Variants in SNAP25 observed in about 807,000 individuals in gnomAD.
SNAP25 encodes the protein synaptosomal-associated protein 25.
Under a neutral mutation model 28.7 loss-of-function variants are expected in SNAP25, and 3 were observed. The ratio of observed to expected loss-of-function variants is 0.10; its 90% CI spans 0.05 to 0.27. The LOEUF (loss-of-function observed/expected upper bound fraction) is 0.27. Among genes scored for constraint, SNAP25 ranks in the 10% least tolerant of loss-of-function variants. SNAP25 has a pLI of 1.00. For synonymous variants in SNAP25, 61 were observed against 88.1 expected (o/e 0.69, Z 1.72); for missense variants, 117 against 278.7 (o/e 0.42, Z 4.13).
In SNAP25 at chr20:10,275,455, C is replaced by A; in HGVS notation, c.-37C>A. ...TCCAGAGCCAAACCCGTCACTGACC[C>A]CCCAGCCCAGGCGCCCAGCCACTCC... On this transcript the variant is annotated 5_prime_UTR_variant, in exon 2 of 8. Coordinates refer to ENST00000254976, the MANE Select transcript of SNAP25 (RefSeq NM_130811.4). 1.3e-6 allele frequency: 2 copies of A among 1,573,544 alleles called. No individual in the cohort carries two copies. Among genetic ancestry groups the A allele is most frequent in the East Asian group, 4.6e-5 (2 of 43,702 alleles).
chr20:10,301,236 G>A (rs1167874145), intron 7 of SNAP25, among the ~76,000 whole-genome samples: 2 of 152,168 alleles, frequency 1.3e-5, no homozygotes, highest in Non-Finnish European at 2.9e-5. Flanking sequence ...TACGCCCAGT[G>A]TACTATAAAG....
At position 10,305,145 on chromosome 20, in the gene SNAP25, C is replaced by A. The variant is rs193236957; in HGVS notation, c.553-984C>A. 1.7e-3 allele frequency among the ~76,000 whole-genome samples: 265 copies of A among 152,140 alleles called. 1 individual carries two copies. Among genetic ancestry groups the A allele is most frequent in the Middle Eastern group, 3.4e-3 (1 of 294 alleles). ...TATATTTTATCCATTCATGACATGC[C>A]TAATTTTTTCTAAATTTTCTCAATA... On this transcript the variant is annotated intron_variant, in intron 7 of 7. Coordinates refer to ENST00000254976, the MANE Select transcript of SNAP25 (RefSeq NM_130811.4).
chr20:10,294,129 C>T (rs755607760), intron 5 of SNAP25, among the ~76,000 whole-genome samples: 4 of 152,220 alleles, frequency 2.6e-5, no homozygotes, highest in African/African-American at 4.8e-5. Context: ...GATTGCCCAA[C>T]ATGCATTTGG....
intron 4 of SNAP25, among the ~76,000 whole-genome samples, chr20:10,286,792 C>T (rs2063888448): frequency 6.6e-6 from 1 of 152,068 alleles, no homozygotes; most frequent in South Asian, 2.1e-4. Flanking sequence ...CTTCAATTTT[C>T]ACAATACAAA....
At chr20:10,279,482 C>T (rs2123030802) in intron 3 of SNAP25, among the ~76,000 whole-genome samples, 1 of 152,292 alleles carries the variant, frequency 6.6e-6, no homozygotes, top group East Asian at 1.9e-4. Flanking sequence ...TGTTGAAATG[C>T]TGCCTAGACT....
At chr20:10,220,859 T>A (rs2062619167) in intron 1 of SNAP25, among the ~76,000 whole-genome samples, 1 of 152,238 alleles carries the variant, frequency 6.6e-6, no homozygotes, top group African/African-American at 2.4e-5. Flanking sequence ...AAATTCCCTG[T>A]CCATATACAG....
chr20:10,280,182 G>A (rs138174550), intron 3 of SNAP25, among the ~76,000 whole-genome samples: 3 of 152,252 alleles, frequency 2.0e-5, no homozygotes, highest in Non-Finnish European at 4.4e-5. Context: ...ATCTCTCAGC[G>A]GAATATACAA....
At chr20:10,278,559 T>G (rs1488736063) in intron 3 of SNAP25, among the ~76,000 whole-genome samples, 1 of 152,178 alleles carries the variant, frequency 6.6e-6, no homozygotes, top group Non-Finnish European at 1.5e-5. Flanking sequence ...GCCTAATAGT[T>G]TTTATTCAGC....
chr20:10,283,779 A>G lies in SNAP25; in HGVS notation c.115-945A>G, dbSNP rs78566360. ...ACCATGAGCTTTACTTGAAAAACCAATTCATCCAAACTATAAGCAATGCCA... is the reference window on the plus strand; with the variant it reads ...ACCATGAGCTTTACTTGAAAAACCAGTTCATCCAAACTATAAGCAATGCCA... On this transcript the variant is annotated intron_variant, in intron 3 of 7. Transcript: ENST00000254976. 9.9e-3 allele frequency among the ~76,000 whole-genome samples: 1,505 copies of G among 152,260 alleles called. 16 individuals carry two copies. Among genetic ancestry groups the G allele is most frequent in the African/African-American group, 0.03 (1,251 of 41,548 alleles).
At chr20:10,301,574 T>G (rs1838853147) in intron 7 of SNAP25, among the ~76,000 whole-genome samples, 1 of 152,110 alleles carries the variant, frequency 6.6e-6, no homozygotes, top group South Asian at 2.1e-4. Context: ...GGAAGTTTCC[T>G]GCATATCTAA....
At chr20:10,253,987 C>CA (rs2063275658) in intron 1 of SNAP25, among the ~76,000 whole-genome samples, 1 of 152,186 alleles carries the variant, frequency 6.6e-6, no homozygotes, top group Admixed American at 6.5e-5. Flanking sequence ...GATGGCTTAC[C>CA]ACCTGCTTTG....
At chr20:10,244,551 T>C (rs2063093468) in intron 1 of SNAP25, among the ~76,000 whole-genome samples, 1 of 152,164 alleles carries the variant, frequency 6.6e-6, no homozygotes, top group African/African-American at 2.4e-5. Flanking sequence ...GAGCCAAGAT[T>C]TGAATGTAGG....
intron 1 of SNAP25, among the ~76,000 whole-genome samples, chr20:10,227,520 A>G (rs892144128): frequency 2.0e-5 from 3 of 152,160 alleles, no homozygotes; most frequent in African/African-American, 7.2e-5. Flanking sequence ...ACATAGATTC[A>G]TCCTAAATAT....
intron 6 of SNAP25, among the ~76,000 whole-genome samples, 159 bp from the exon 7 acceptor site, chr20:10,299,108 TA>T (rs2064177365): frequency 6.6e-6 from 1 of 151,002 alleles, no homozygotes; most frequent in South Asian, 2.1e-4. Context: ...ACATTTTTTT[TA>T]AATGTATGAA....
At chr20:10,229,619 G>A (rs544686642) in intron 1 of SNAP25, among the ~76,000 whole-genome samples, 90 of 152,182 alleles carry the variant, frequency 5.9e-4, no homozygotes, top group African/African-American at 2.0e-3. Context: ...AGCTTGCTGG[G>A]GAAAGATTTT....
At chr20:10,273,325 G>T (rs1254644434) in intron 1 of SNAP25, among the ~76,000 whole-genome samples, 1 of 152,194 alleles carries the variant, frequency 6.6e-6, no homozygotes, top group African/African-American at 2.4e-5. Context: ...AGGAAATCAT[G>T]CTCATATGCA....
chr20:10,224,061 T>A (rs2062684673), intron 1 of SNAP25, among the ~76,000 whole-genome samples: 1 of 152,090 alleles, frequency 6.6e-6, no homozygotes, highest in Non-Finnish European at 1.5e-5. Flanking sequence ...GTGGTCAGAT[T>A]ACTATTATTA....
At chr20:10,287,273 A>G (rs2063898726) in intron 4 of SNAP25, among the ~76,000 whole-genome samples, 1 of 152,112 alleles carries the variant, frequency 6.6e-6, no homozygotes, top group African/African-American at 2.4e-5. Context: ...ACAAAGGGCT[A>G]ATATCCAGAA....
At chr20:10,303,101 G>A (rs1293771000) in intron 7 of SNAP25, among the ~76,000 whole-genome samples, 1 of 152,156 alleles carries the variant, frequency 6.6e-6, no homozygotes, top group Non-Finnish European at 1.5e-5. Context: ...GCTTTTCAGA[G>A]CATTTAGTCT....
Sources: gnomAD v4.1 joint callset for allele counts (sites outside exome capture counted in the v4.1 genomes callset) on GRCh38, gnomAD v4.1.1 for gene constraint, MANE v1.5 for transcripts, NCBI Gene and HGNC (gene_info 2026-07-23, HGNC 2026-07-21) for gene names.